The following GRM7 variants were observed in gnomAD, a reference collection of about 807,000 sequenced individuals.
The protein encoded by GRM7 is metabotropic glutamate receptor 7.
GRM7 carries 35 observed loss-of-function variants against 84.5 expected under a neutral mutation model. The observed-to-expected ratio is 0.41, with a 90% CI of 0.32 to 0.55. GRM7 has a LOEUF of 0.55. Ranked by LOEUF, GRM7 falls within the 20% of genes least tolerant of loss-of-function variation. The pLI is 0.19. For synonymous variants in GRM7, 487 were observed against 455.1 expected, an observed-to-expected ratio of 1.07 and a Z score of -0.89; for missense variants, 1,003 against 1,194.6, an observed-to-expected ratio of 0.84 and a Z score of 2.36.
At chr3:7,124,611 G>T (rs994163306) in intron 1 of GRM7, among the ~76,000 whole-genome samples, 1 of 152,116 alleles carries the variant, frequency 6.6e-6, no homozygotes, top group Non-Finnish European at 1.5e-5. Context: ...TATTTTGCCA[G>T]GATAGACACA....
rs143833265 is a variant in GRM7 at position 6,992,614 on chromosome 3, C to T, written c.519+130707C>T. ...AGCAATTAAAGAAAGCTGTTAGCAA[C>T]CTTGGGCTTACAGGGGCCAAAAGAG... On this transcript the variant is annotated intron_variant, in intron 1 of 9. Transcript: ENST00000357716. Among the ~76,000 whole-genome samples, 192 of 152,252 alleles carry T rather than the reference C, an allele frequency of 1.3e-3. 1 individual carries two copies. Among genetic ancestry groups the T allele is most frequent in the Admixed American group, 2.2e-3 (34 of 15,294 alleles).
chr3:7,656,969 G>C (rs1418750325), intron 8 of GRM7, among the ~76,000 whole-genome samples: 2 of 152,126 alleles, frequency 1.3e-5, no homozygotes, highest in African/African-American at 4.8e-5. Flanking sequence ...TATTTACTTT[G>C]AGTGAAGTAC....
chr3:7,081,285 A>G (rs918928100), intron 1 of GRM7, among the ~76,000 whole-genome samples: 1 of 152,026 alleles, frequency 6.6e-6, no homozygotes, highest in African/African-American at 2.4e-5. Context: ...TCATGTCTCT[A>G]TGTCACACTT....
chr3:7,282,566 A>T (rs1247978035), intron 2 of GRM7, among the ~76,000 whole-genome samples: 1 of 152,186 alleles, frequency 6.6e-6, no homozygotes, highest in African/African-American at 2.4e-5. Flanking sequence ...TTCATTTGCA[A>T]CCTTATTTCC....
At chr3:7,145,198 G>C (rs1216744440) in intron 1 of GRM7, among the ~76,000 whole-genome samples, 1 of 152,116 alleles carries the variant, frequency 6.6e-6, no homozygotes, top group Non-Finnish European at 1.5e-5. Context: ...GGCTTGGTCT[G>C]AGAAAAGATC....
rs891107252 is a variant in GRM7, at chr3:7,658,273, C to G, written c.2452-21776C>G. Among the ~76,000 whole-genome samples, 5 of 152,190 alleles carry G rather than the reference C, an allele frequency of 3.3e-5. No individual in the cohort carries two copies. The South Asian group carries it at 1.0e-3, about 31-fold the overall frequency. On this transcript the variant is annotated intron_variant, in intron 8 of 9. Coordinates refer to ENST00000357716, the MANE Select transcript of GRM7 (RefSeq NM_000844.4). Reference sequence around the variant, plus strand: ...GAATTTAGAGCATACAGTATTAAAACTCCAAATAAATGCTCACTGTATAGC... The same window carrying G: ...GAATTTAGAGCATACAGTATTAAAAGTCCAAATAAATGCTCACTGTATAGC...
At chr3:7,264,483 G>T (rs1255393152) in intron 2 of GRM7, among the ~76,000 whole-genome samples, 7 of 152,064 alleles carry the variant, frequency 4.6e-5, no homozygotes, top group African/African-American at 1.7e-4. Flanking sequence ...CTCCTTGCCT[G>T]TTCAACTCAC....
At chr3:7,555,448 T>G (rs1178983684) in intron 7 of GRM7, among the ~76,000 whole-genome samples, 2 of 152,194 alleles carry the variant, frequency 1.3e-5, no homozygotes, top group Non-Finnish European at 2.9e-5. Flanking sequence ...AGGACTCCAA[T>G]GGGGTAGATA....
chr3:7,541,944 C>G (rs539710014), intron 7 of GRM7, among the ~76,000 whole-genome samples: 8 of 152,268 alleles, frequency 5.3e-5, no homozygotes, highest in African/African-American at 1.9e-4. Flanking sequence ...CTCTTCCTAG[C>G]TTTTGGGGTG....
At chr3:7,259,671 C>G (rs1270556402) in intron 2 of GRM7, among the ~76,000 whole-genome samples, 1 of 152,164 alleles carries the variant, frequency 6.6e-6, no homozygotes, top group Non-Finnish European at 1.5e-5. Context: ...ACAACAGTTT[C>G]TTTATTCAGT....
intron 9 of GRM7, among the ~76,000 whole-genome samples, chr3:7,695,379 T>TTGA (rs1432904386): frequency 2.6e-5 from 4 of 152,226 alleles, no homozygotes; most frequent in African/African-American, 7.2e-5. Context: ...GCAAAGTGTG[T>TTGA]TGATACATCT....
At position 7,067,808 on chromosome 3, in the gene GRM7, A is replaced by G. The variant is rs1450521268; in HGVS notation, c.520-78644A>G. 2.6e-5 allele frequency among the ~76,000 whole-genome samples: 4 copies of G among 151,940 alleles called. No individual in the cohort carries two copies. The East Asian group carries it at 7.8e-4, about 29-fold the overall frequency. ...CATGAGGAAGGAAAAAAAGTTGGAG[A>G]ACAGCTAGCCAATTTGTACCATAAT... On this transcript the variant is annotated intron_variant, in intron 1 of 9. Transcript: ENST00000357716.
At chr3:7,578,228 A>G (rs887791798) in intron 7 of GRM7, among the ~76,000 whole-genome samples, 194 bp from the exon 8 acceptor site, 6 of 152,182 alleles carry the variant, frequency 3.9e-5, no homozygotes, top group Non-Finnish European at 8.8e-5. Context: ...GAACACTCTA[A>G]TGGTGAAGAG....
chr3:7,558,128 G>A (rs1458877022), intron 7 of GRM7, among the ~76,000 whole-genome samples: 1 of 152,042 alleles, frequency 6.6e-6, no homozygotes, highest in East Asian at 1.9e-4. Context: ...CATGATATAT[G>A]ACAATGTATC....
At chr3:7,493,260 T>C (rs1328340053) in intron 7 of GRM7, among the ~76,000 whole-genome samples, 1 of 152,070 alleles carries the variant, frequency 6.6e-6, no homozygotes, top group Non-Finnish European at 1.5e-5. Context: ...GAACAGGAAA[T>C]GTTGAACTCT....
At chr3:7,195,658 T>G (rs1695853815) in intron 2 of GRM7, among the ~76,000 whole-genome samples, 1 of 151,922 alleles carries the variant, frequency 6.6e-6, no homozygotes, top group Admixed American at 6.6e-5. Context: ...AGATTGAAAA[T>G]GAATAAATAA....
At chr3:7,448,451 G>C (rs541159698) in intron 5 of GRM7, among the ~76,000 whole-genome samples, 2 of 152,142 alleles carry the variant, frequency 1.3e-5, no homozygotes, top group African/African-American at 4.8e-5. Context: ...GATTAACTCA[G>C]TGAAAAGTCC....
chr3:7,722,734 G>A (rs573527660), intron 9 of GRM7, among the ~76,000 whole-genome samples: 14 of 152,020 alleles, frequency 9.2e-5, no homozygotes, highest in African/African-American at 2.2e-4. Context: ...GAGCCACCAC[G>A]CCCGGCCCCT....
chr3:7,521,087 A>G lies in GRM7; in HGVS notation c.1516-57335A>G, dbSNP rs3804932. On this transcript the variant is annotated intron_variant, in intron 7 of 9. Coordinates refer to ENST00000357716, the MANE Select transcript of GRM7 (RefSeq NM_000844.4). Reference sequence around the variant, plus strand: ...ATAATTGTTCAGCTGCAGTGCATAGAAGTATCAGTTCAAAAACTCAGGTGT... The same window carrying G: ...ATAATTGTTCAGCTGCAGTGCATAGGAGTATCAGTTCAAAAACTCAGGTGT... Among the ~76,000 whole-genome samples, 22 of 152,320 alleles carry G rather than the reference A, an allele frequency of 1.4e-4. No homozygotes were observed. The East Asian group carries it at 4.2e-3, about 29-fold the overall frequency.
Sources: gnomAD v4.1 joint callset for allele counts (sites outside exome capture counted in the v4.1 genomes callset) on GRCh38, gnomAD v4.1.1 for gene constraint, MANE v1.5 for transcripts, NCBI Gene and HGNC (gene_info 2026-07-23, HGNC 2026-07-21) for gene names.